GEN1: variants seen among roughly 807,000 people sequenced by gnomAD.
GEN1 encodes the protein flap endonuclease GEN homolog 1.
A neutral mutation model predicts 67.6 loss-of-function variants in GEN1; 64 were observed. That is an observed-to-expected ratio of 0.95 (90% CI 0.77 to 1.17). The LOEUF (loss-of-function observed/expected upper bound fraction) is 1.17. Ranked by LOEUF, GEN1 falls within the 50% of genes most tolerant of loss-of-function variation. The probability of loss-of-function intolerance (pLI) is 0.00; values close to 1 mark genes in which losing one functional copy is unlikely to be tolerated. For synonymous variants in GEN1, 371 were observed against 359.4 expected (o/e 1.03, Z -0.37); for missense variants, 1,058 against 1,048.3 (o/e 1.01, Z -0.13).
rs2125151984 is a variant in GEN1 at position 17,774,341 on chromosome 2, A to G, written c.1142A>G (p.His381Arg). The G allele has an allele frequency of 6.2e-7, 1 of 1,606,738 alleles. No homozygotes were observed. ...GAGAAATTGCTGGTACTTTTGACCCATTATGACATGATAGAAAGAAAGCTT... is the reference window on the plus strand; with the variant it reads ...GAGAAATTGCTGGTACTTTTGACCCGTTATGACATGATAGAAAGAAAGCTT... ...ACEKLLVLLT[H>R]YDMIERKLGS... is the part of the protein sequence containing the mutation. The change falls in exon 11 of 14, where the codon CAT becomes CGT. Residue 381 changes from histidine to arginine, a missense_variant. Coordinates refer to ENST00000381254, the MANE Select transcript of GEN1 (RefSeq NM_001130009.3).
chr2:17,781,752 T>C lies in GEN1; in HGVS notation c.2540T>C (p.Ile847Thr), dbSNP rs1672850485. The C allele has an allele frequency of 1.9e-6, 3 of 1,613,502 alleles. No individual in the cohort carries two copies. The highest frequency in any genetic ancestry group is 2.5e-6 in the Non-Finnish European group (3 of 1,179,742). The change falls in exon 14 of 14, where the codon ATT (isoleucine) becomes ACT (threonine). Residue 847 changes from isoleucine (I) to threonine (T), a missense_variant. Ile to Thr is a moderately conservative substitution (Grantham distance 89). Transcript: ENST00000381254. Reference protein sequence around the residue: ...HNKLSSPKIHIKETEQCVRSY... With the variant: ...HNKLSSPKIHTKETEQCVRSY... ...AAGTTGAGTAGCCCTAAGATACATA[T>C]TAAAGAAACTGAACAGTGTGTCAGA... is the stretch of plus-strand genomic sequence containing the variant.
At chr2:17,754,083 T>A (rs535995358), upstream of GEN1, 37 of 152,036 alleles carry the variant, frequency 2.4e-4, no homozygotes, top group African/African-American at 8.9e-4. Context: ...GCGGGCCCCA[T>A]TGGGGGAAAG....
At chr2:17,771,961 T>C (rs1156722233) in intron 7 of GEN1, among the ~76,000 whole-genome samples, 1 of 151,990 alleles carries the variant, frequency 6.6e-6, no homozygotes, top group Non-Finnish European at 1.5e-5. Context: ...TGGAAGAAAA[T>C]CAATGTTTTT....
At position 17,774,086 on chromosome 2, in the gene GEN1, G is replaced by A. The variant is rs1305390435; in HGVS notation, c.1072-185G>A. On this transcript the variant is annotated intron_variant, in intron 10 of 13. Coordinates refer to ENST00000381254, the MANE Select transcript of GEN1 (RefSeq NM_001130009.3). ...TATCATCCTGGCGTTCAAACCGAGA[G>A]CCTTCACTCTTAATCATTATGCAAT... Among the ~76,000 whole-genome samples the A allele has an allele frequency of 4.6e-5, 7 of 152,038 alleles. No individual in the cohort carries two copies. The highest frequency in any genetic ancestry group is 1.0e-4 in the Non-Finnish European group (7 of 67,980).
rs1269068297 is a variant in GEN1, at chr2:17,778,878, T to C, written c.1264+815T>C. 2.0e-5 allele frequency among the ~76,000 whole-genome samples: 3 copies of C among 152,176 alleles called. No homozygotes were observed. The Middle Eastern group carries it at 0.01, about 518-fold the overall frequency. ...GAAATACAGTGAACTCTGAATTAGC[T>C]CCCAAACTGGAGATAGTGAAAAACA... On this transcript the variant is annotated intron_variant, in intron 12 of 13. Transcript: ENST00000381254.
chr2:17,773,495 T>C (rs909586226), intron 10 of GEN1, among the ~76,000 whole-genome samples, 196 bp downstream of exon 10: 4 of 152,106 alleles, frequency 2.6e-5, no homozygotes, highest in Non-Finnish European at 5.9e-5. Flanking sequence ...AGTATAGTTA[T>C]GCTGTTTTAG....
chr2:17,761,697 C>A, intron 3 of GEN1, 115 bp downstream of exon 3: 1 of 683,430 alleles, frequency 1.5e-6, no homozygotes, highest in Non-Finnish European at 2.3e-6. Context: ...CAGGGATGTG[C>A]CTAGAGAAAA....
rs184642401 is a variant in GEN1, at chr2:17,769,584, C to T, written c.710+773C>T. On this transcript the variant is annotated intron_variant, in intron 6 of 13. Transcript: ENST00000381254. The stretch of plus-strand genomic sequence containing the variant: ...CTTTCTATAAATGAAATGTCTGTGG[C>T]GTGTTGTAAATATTTAATAATAAGC... Among the ~76,000 whole-genome samples, 764 of 152,126 alleles carry T rather than the reference C, an allele frequency of 5.0e-3. 3 individuals are homozygous for T. The highest frequency in any genetic ancestry group is 0.017 in the African/African-American group (721 of 41,504).
chr2:17,754,027 C>T, upstream of GEN1: 1 of 152,490 alleles, frequency 6.6e-6, no homozygotes, highest in Non-Finnish European at 1.5e-5. Context: ...AGCTGGTCTA[C>T]GCATGCGTCC....
chr2:17,762,191 CTTTTTTTGGTTGTTTT>C (rs1182802361), intron 3 of GEN1, among the ~76,000 whole-genome samples: 2 of 133,966 alleles, frequency 1.5e-5, no homozygotes, highest in African/African-American at 5.5e-5. Context: ...TTTCTGTTTT[CTTTTTTTGGTTGTTTT>C]TTTTTTTTTT....
chr2:17,769,825 G>T (rs1315641541), intron 6 of GEN1, among the ~76,000 whole-genome samples: 2 of 151,986 alleles, frequency 1.3e-5, no homozygotes, highest in Non-Finnish European at 2.9e-5. Flanking sequence ...ATGATGATAG[G>T]TATAGAATCA....
At chr2:17,774,690 G>T (rs77664960) in intron 11 of GEN1, among the ~76,000 whole-genome samples, 2 of 152,062 alleles carry the variant, frequency 1.3e-5, no homozygotes, top group African/African-American at 2.4e-5. Context: ...AGGAACAAAC[G>T]TGTTAAGGGA....
intron 1 of GEN1, among the ~76,000 whole-genome samples, chr2:17,756,393 TATG>T (rs1273508853): frequency 1.3e-5 from 2 of 152,226 alleles, no homozygotes; most frequent in East Asian, 3.8e-4. Context: ...CTTAAAAAAT[TATG>T]AAGATGTTAG....
chr2:17,754,013 CG>C (rs1344137487), upstream of GEN1: 1 of 152,322 alleles, frequency 6.6e-6, no homozygotes, highest in Non-Finnish European at 1.5e-5. Flanking sequence ...TGAGCGCCCC[CG>C]GCAGCTGGTC....
At position 17,781,606 on chromosome 2, in the gene GEN1, C is replaced by G. The variant is rs1672840276; in HGVS notation, c.2394C>G (p.Asp798Glu). Residue 798 changes from aspartate (D) to glutamate (E), a missense_variant, in exon 14 of 14, where the codon GAC becomes GAG. Asp to Glu is a conservative substitution (Grantham distance 45). Transcript: ENST00000381254. The stretch of plus-strand genomic sequence containing the variant: ...TAATGAAGAAGAGTGTTTGCCTTGA[C>G]AGACATTCCTCTGATGAACAAAGTG... Reference protein sequence around the residue: ...KILMKKSVCLDRHSSDEQSAP... With the variant: ...KILMKKSVCLERHSSDEQSAP... 2 of 1,613,860 alleles carry G rather than the reference C, an allele frequency of 1.2e-6. No homozygotes were observed. Among genetic ancestry groups the G allele is most frequent in the Admixed American group, 1.7e-5 (1 of 59,988 alleles).
intron 3 of GEN1, among the ~76,000 whole-genome samples, chr2:17,762,880 A>C (rs567092593): frequency 6.6e-6 from 1 of 152,226 alleles, no homozygotes; most frequent in Non-Finnish European, 1.5e-5. Flanking sequence ...GATGTCAGAG[A>C]AGCAGTGTCG....
Position 17,781,411 on chromosome 2 carries a change from A to G in GEN1, c.2199A>G (p.Arg733=), listed in dbSNP as rs1672827173. 1 of 1,613,718 alleles carries G rather than the reference A, an allele frequency of 6.2e-7. No individual in the cohort carries two copies. The highest frequency in any genetic ancestry group is 1.7e-5 in the Admixed American group (1 of 60,014). Residue 733 remains arginine (R), a synonymous_variant, in exon 14 of 14, where the codon AGA becomes AGG. Coordinates refer to ENST00000381254, the MANE Select transcript of GEN1 (RefSeq NM_001130009.3). ...GAATTCCCTTGCAAAATGAATCCAG[A>G]GACTCTAAAATTCTAAAAGGAGACC... is the stretch of plus-strand genomic sequence containing the variant. ...LPGIPLQNES[R]DSKILKGDQL...
At chr2:17,776,637 A>G (rs565396861) in intron 11 of GEN1, among the ~76,000 whole-genome samples, 1 of 152,372 alleles carries the variant, frequency 6.6e-6, no homozygotes, top group East Asian at 1.9e-4. Flanking sequence ...TGGGAAGTAT[A>G]AAAGAAAAAA....
rs149815077 is a variant in GEN1 at position 17,781,310 on chromosome 2, A to G, written c.2098A>G (p.Ile700Val). ...QPDVNLKTLSILSVKESCIAN... is the reference protein window; with the variant it reads ...QPDVNLKTLSVLSVKESCIAN... ...AGATGTCAACCTGAAAACTTTGTCCATACTTAGTGTAAAAGAATCTTGTAT... is the reference window on the plus strand; with the variant it reads ...AGATGTCAACCTGAAAACTTTGTCCGTACTTAGTGTAAAAGAATCTTGTAT... The change falls in exon 14 of 14, where the codon ATA (isoleucine) becomes GTA (valine). Residue 700 changes from isoleucine (I) to valine (V), a missense_variant. Coordinates refer to ENST00000381254, the MANE Select transcript of GEN1 (RefSeq NM_001130009.3). 6.9e-5 allele frequency: 112 copies of G among 1,613,792 alleles called. No individual in the cohort carries two copies. The Middle Eastern group carries it at 9.9e-4, about 14-fold the overall frequency.
Sources: gnomAD v4.1 joint callset for allele counts (sites outside exome capture counted in the v4.1 genomes callset) on GRCh38, gnomAD v4.1.1 for gene constraint, MANE v1.5 for transcripts, NCBI Gene and HGNC (gene_info 2026-07-23, HGNC 2026-07-21) for gene names.